The following CPOX variants were observed in gnomAD, a reference collection of about 807,000 sequenced individuals.
CPOX encodes the protein oxygen-dependent coproporphyrinogen-III oxidase, mitochondrial.
Under a neutral mutation model 48.9 loss-of-function variants are expected in CPOX, and 24 were observed. That is an observed-to-expected ratio of 0.49 (90% confidence interval 0.36 to 0.69). The LOEUF (loss-of-function observed/expected upper bound fraction) is 0.69. Among genes scored for constraint, CPOX ranks in the 30% least tolerant of loss-of-function variants. The probability of loss-of-function intolerance (pLI) is 0.00; values close to 1 mark genes in which losing one functional copy is unlikely to be tolerated. For synonymous variants in CPOX, 249 were observed against 234.6 expected (o/e 1.06, Z -0.56); for missense variants, 549 against 597.3 (o/e 0.92, Z 0.84).
downstream of CPOX, among the ~76,000 whole-genome samples, chr3:98,577,117 G>C (rs1328395667): frequency 6.6e-6 from 1 of 152,076 alleles, no homozygotes; most frequent in East Asian, 1.9e-4. Flanking sequence ...GATAGCAGCA[G>C]CCTGAGAAAA....
the CPOX span, among the ~76,000 whole-genome samples, chr3:98,571,687 C>CA: frequency 0.013 from 580 of 45,966 alleles, 1 homozygote; most frequent in East Asian, 0.025. Flanking sequence ...GACTCCGTCT[C>CA]AAAAAAAAAA....
chr3:98,585,705 C>A (rs751091246), intron 4 of CPOX, 46 bp from the exon 5 acceptor site: 11 of 1,466,710 alleles, frequency 7.5e-6, no homozygotes, highest in Admixed American at 1.7e-5. Context: ...TGGAAAAAAA[C>A]AGACATGAAA....
intron 4 of CPOX, among the ~76,000 whole-genome samples, chr3:98,586,795 T>C (rs979990696): frequency 1.3e-5 from 2 of 151,982 alleles, no homozygotes; most frequent in African/African-American, 4.8e-5. Context: ...ATACAAAAAA[T>C]TAGCCAGGCG....
At chr3:98,572,420 T>A in the CPOX span, among the ~76,000 whole-genome samples, 2 of 152,190 alleles carry the variant, frequency 1.3e-5, no homozygotes, top group African/African-American at 4.8e-5. Context: ...GGTATCTGTT[T>A]TTTATAGCAT....
chr3:98,585,402 C>G, intron 5 of CPOX, 39 bp downstream of exon 5: 2 of 1,530,766 alleles, frequency 1.3e-6, no homozygotes, highest in Non-Finnish European at 1.8e-6. Flanking sequence ...TCCACCTCCC[C>G]CACTTAGCCA....
chr3:98,571,684 T>C, the CPOX span, among the ~76,000 whole-genome samples: 1 of 106,884 alleles, frequency 9.4e-6, no homozygotes, highest in Non-Finnish European at 1.9e-5. Flanking sequence ...CGAGACTCCG[T>C]CTCAAAAAAA....
rs200810233 is a variant in CPOX at position 98,580,708 on chromosome 3, C to T, written c.1340G>A (p.Arg447His). ...SKEAEILEVLRHPRDWVR is the reference protein window; with the variant it reads ...SKEAEILEVLHHPRDWVR ...TCAACGCACCCAGTCCCTTGGATGG[C>T]GTAGAACTTCCAGAATTTCAGCTTC... is the stretch of plus-strand genomic sequence containing the variant. The change falls in exon 7 of 7, where the codon CGC (arginine) becomes CAC (histidine). Residue 447 changes from arginine (R) to histidine (H), a missense_variant. This residue lies in a region of CPOX where 213 missense variants were observed against 279.1 expected (regional missense o/e 0.76). Coordinates refer to ENST00000647941, the MANE Select transcript of CPOX (RefSeq NM_000097.7). The T allele has an allele frequency of 2.4e-5, 38 of 1,614,106 alleles. No individual in the cohort carries two copies. Among genetic ancestry groups the T allele is most frequent in the Middle Eastern group, 1.6e-4 (1 of 6,062 alleles).
At chr3:98,571,687 C>CAAAAAAAAA in the CPOX span, among the ~76,000 whole-genome samples, 2 of 46,126 alleles carry the variant, frequency 4.3e-5, no homozygotes, top group African/African-American at 9.6e-5. Flanking sequence ...GACTCCGTCT[C>CAAAAAAAAA]AAAAAAAAAA....
intron 3 of CPOX, 26 bp from the exon 4 acceptor site, chr3:98,588,880 A>C: frequency 6.2e-7 from 1 of 1,613,930 alleles, no homozygotes; most frequent in Non-Finnish European, 8.5e-7. Flanking sequence ...ATGGGATTCT[A>C]ATGTGGACTT....
intron 5 of CPOX, among the ~76,000 whole-genome samples, chr3:98,582,690 A>G (rs1707280832): frequency 1.3e-5 from 2 of 152,108 alleles, no homozygotes; most frequent in Non-Finnish European, 2.9e-5. Flanking sequence ...ACGAGGTCTC[A>G]TAGTGTTAGC....
chr3:98,571,946 A>T, the CPOX span, among the ~76,000 whole-genome samples: 3 of 152,136 alleles, frequency 2.0e-5, no homozygotes, highest in South Asian at 4.1e-4. Context: ...TCTGTTTTTT[A>T]AAATTTCTTA....
intron 1 of CPOX, among the ~76,000 whole-genome samples, chr3:98,591,951 C>T (rs1217028633): frequency 6.8e-6 from 1 of 146,514 alleles, no homozygotes; most frequent in Non-Finnish European, 1.5e-5. Context: ...CTAAGCACTT[C>T]ACATATATTC....
the CPOX span, among the ~76,000 whole-genome samples, chr3:98,570,558 A>G: frequency 6.6e-6 from 1 of 152,246 alleles, no homozygotes; most frequent in Non-Finnish European, 1.5e-5. Flanking sequence ...CGTGGGAAAA[A>G]TACTTGATTT....
the CPOX span, among the ~76,000 whole-genome samples, chr3:98,572,233 T>C: frequency 6.6e-6 from 1 of 152,196 alleles, no homozygotes. Context: ...CTTTGGTCCA[T>C]TGATATTTAT....
In CPOX at chr3:98,579,991, A is replaced by C; in HGVS notation, c.*692T>G. The C allele has an allele frequency of 1.0e-6, 1 of 985,454 alleles. No individual in the cohort carries two copies. The highest frequency in any genetic ancestry group is 1.2e-6 in the Non-Finnish European group (1 of 829,544). The allele number at this position is 985,454 out of a possible 1,614,324, so 61.0% of individuals were successfully genotyped here. A position where few individuals can be genotyped will look rare whatever the true frequency, so the allele number is the denominator to read the frequency against. On this transcript the variant is annotated 3_prime_UTR_variant, in exon 7 of 7. Coordinates refer to ENST00000647941, the MANE Select transcript of CPOX (RefSeq NM_000097.7). ...AGTGCAGAGAATCCCAACATTAACA[A>C]ACAATGGTTCCACAAAAATCAAAAT...
downstream of CPOX, among the ~76,000 whole-genome samples, chr3:98,575,515 G>A (rs533388968): frequency 4.6e-5 from 7 of 152,322 alleles, no homozygotes; most frequent in South Asian, 2.1e-4. Context: ...CTTGTAGGCC[G>A]GGCACCGTGG....
chr3:98,575,833 C>T (rs371446248), downstream of CPOX, among the ~76,000 whole-genome samples: 3 of 145,270 alleles, frequency 2.1e-5, no homozygotes, highest in South Asian at 2.3e-4. Context: ...TTTGGGAGGC[C>T]GAGGCAGGTG....
rs1707226229 is a variant in CPOX at position 98,580,162 on chromosome 3, TG to T, written c.*520del. 1.0e-6 allele frequency: 1 copy of T among 982,642 alleles called. No individual in the cohort carries two copies. The highest frequency in any genetic ancestry group is 4.7e-5 in the South Asian group (1 of 21,336). 60.9% of individuals were successfully genotyped at this position (982,642 alleles called of 1,614,324 possible). A position where few individuals can be genotyped will look rare whatever the true frequency, so the allele number is the denominator to read the frequency against. ...AATGTGTATCTATTTGACAATATTA[TG>T]TTCTCTGGAGAAAGATATATAAGGA... On this transcript the variant is annotated 3_prime_UTR_variant, in exon 7 of 7. Coordinates refer to ENST00000647941, the MANE Select transcript of CPOX (RefSeq NM_000097.7).
At chr3:98,585,391 C>T (rs538364791) in intron 5 of CPOX, 50 bp downstream of exon 5, 2 of 1,447,548 alleles carry the variant, frequency 1.4e-6, no homozygotes, top group African/African-American at 1.4e-5. Context: ...TTAAGAGCTG[C>T]TCCACCTCCC....
Sources: allele counts gnomAD v4.1 joint callset (sites outside exome capture counted in the v4.1 genomes callset), GRCh38; gene constraint gnomAD v4.1.1; regional missense constraint gnomAD v4.1.1; transcripts MANE v1.5; gene names NCBI Gene and HGNC (gene_info 2026-07-23, HGNC 2026-07-21).